The following NDC1 variants were observed in gnomAD, a reference collection of about 807,000 sequenced individuals.
NDC1 encodes NDC1 transmembrane nucleoporin.
A neutral mutation model predicts 89.8 loss-of-function variants in NDC1; 24 were observed. The observed-to-expected ratio is 0.27, with a 90% CI of 0.19 to 0.38. The LOEUF (loss-of-function observed/expected upper bound fraction) is 0.38, where lower values mean the gene tolerates loss of function less well. Ranked by LOEUF, NDC1 falls within the 10% of genes least tolerant of loss-of-function variation. The probability of loss-of-function intolerance (pLI) is 1.00; values close to 1 mark genes in which losing one functional copy is unlikely to be tolerated. For missense variants in NDC1, 728 were observed against 797.6 expected, an observed-to-expected ratio of 0.91 and a Z score of 1.05; for synonymous variants, 296 against 284.8, an observed-to-expected ratio of 1.04 and a Z score of -0.39.
intron 3 of NDC1, among the ~76,000 whole-genome samples, chr1:53,829,737 A>G (rs1006010445): frequency 6.6e-5 from 10 of 152,264 alleles, no homozygotes; most frequent in Admixed American, 2.0e-4. Flanking sequence ...GACATATTAC[A>G]TACAGAAGAT....
chr1:53,798,043 A>G (rs1366196070), intron 11 of NDC1, among the ~76,000 whole-genome samples: 1 of 151,816 alleles, frequency 6.6e-6, no homozygotes, highest in Non-Finnish European at 1.5e-5. Context: ...CCAATTTAGT[A>G]ATAGAGTCTG....
intron 8 of NDC1, among the ~76,000 whole-genome samples, chr1:53,806,746 A>C (rs1172903872): frequency 6.6e-6 from 1 of 152,204 alleles, no homozygotes; most frequent in Non-Finnish European, 1.5e-5. Flanking sequence ...TTTCACAAAC[A>C]AGGATTCTCT....
intron 1 of NDC1, among the ~76,000 whole-genome samples, chr1:53,835,920 T>C (rs1175997755): frequency 6.6e-6 from 1 of 152,174 alleles, no homozygotes; most frequent in Non-Finnish European, 1.5e-5. Context: ...GCTTAATTGA[T>C]AGCTATATTA....
chr1:53,835,651 G>A lies in NDC1; in HGVS notation c.58-31C>T, dbSNP rs369786814. The A allele has an allele frequency of 4.4e-6, 7 of 1,585,546 alleles. No individual in the cohort carries two copies. The African/African-American group carries it at 6.8e-5, about 15-fold the overall frequency. On this transcript the variant is annotated intron_variant, in intron 1 of 17. Coordinates refer to ENST00000371429, the MANE Select transcript of NDC1 (RefSeq NM_018087.5). ...AACAAAAAGAAAAACCCTCACTCATGAAGTCAGTTAAATTATTTCAGTTAT... is the reference window on the plus strand; with the variant it reads ...AACAAAAAGAAAAACCCTCACTCATAAAGTCAGTTAAATTATTTCAGTTAT...
intron 2 of NDC1, among the ~76,000 whole-genome samples, chr1:53,833,025 G>A (rs1021114161): frequency 6.6e-6 from 1 of 151,770 alleles, no homozygotes; most frequent in African/African-American, 2.4e-5. Flanking sequence ...AACAAAGGGG[G>A]GGAGAAAAAA....
chr1:53,798,630 C>T (rs1180964013), intron 11 of NDC1, among the ~76,000 whole-genome samples: 1 of 151,076 alleles, frequency 6.6e-6, no homozygotes, highest in Non-Finnish European at 1.5e-5. Flanking sequence ...TCTCAGCTCA[C>T]TGCAACCTCC....
chr1:53,780,863 CTT>C (rs11289616), intron 16 of NDC1, among the ~76,000 whole-genome samples: 47 of 144,274 alleles, frequency 3.3e-4, no homozygotes, highest in Admixed American at 4.9e-4. Flanking sequence ...ATTTTTCTTT[CTT>C]TTTTTTTTTT....
intron 6 of NDC1, among the ~76,000 whole-genome samples, chr1:53,814,817 A>C (rs769692350): frequency 1.2e-4 from 19 of 152,248 alleles, no homozygotes; most frequent in Non-Finnish European, 2.6e-4. Context: ...CACAACTACT[A>C]TGAACAACAC....
At chr1:53,831,544 G>T (rs186976799) in intron 3 of NDC1, among the ~76,000 whole-genome samples, 15 of 151,628 alleles carry the variant, frequency 9.9e-5, no homozygotes, top group African/African-American at 3.4e-4. Context: ...GTGGTGGCGC[G>T]TGCCTGTAAT....
At chr1:53,836,411 C>T (rs1374480766) in intron 1 of NDC1, among the ~76,000 whole-genome samples, 1 of 140,954 alleles carries the variant, frequency 7.1e-6, no homozygotes, top group Non-Finnish European at 1.5e-5. Context: ...ATTAGCCAGG[C>T]ATCATTCCAG....
chr1:53,826,002 T>C, intron 4 of NDC1, 66 bp from the exon 5 acceptor site: 2 of 1,489,642 alleles, frequency 1.3e-6, no homozygotes, highest in South Asian at 1.3e-5. Context: ...TTAGGCTCAA[T>C]GTTTACTGAA....
At chr1:53,809,158 T>C (rs1648213668) in intron 7 of NDC1, among the ~76,000 whole-genome samples, 1 of 152,168 alleles carries the variant, frequency 6.6e-6, no homozygotes, top group Non-Finnish European at 1.5e-5. Flanking sequence ...ACAGCATTGG[T>C]ATATATCATG....
At chr1:53,836,391 T>A (rs961716644) in intron 1 of NDC1, among the ~76,000 whole-genome samples, 282 of 151,358 alleles carry the variant, frequency 1.9e-3, no homozygotes, top group Admixed American at 4.2e-3. Flanking sequence ...CTATAAAAAA[T>A]TTTTTAAAAA....
In NDC1 at chr1:53,805,919, A is replaced by C. The variant is rs374124361; in HGVS notation, c.984+506T>G. Among the ~76,000 whole-genome samples the C allele has an allele frequency of 3.0e-4, 46 of 152,288 alleles. 1 individual carries two copies. Among genetic ancestry groups the C allele is most frequent in the African/African-American group, 1.1e-3 (45 of 41,560 alleles). ...GAAACCCCGTCTCTACTAAAAATAC[A>C]AAAAATTAGCCGGGCGTGGTAGCGG... On this transcript the variant is annotated intron_variant, in intron 9 of 17. Transcript: ENST00000371429.
At chr1:53,828,255 G>A in intron 3 of NDC1, 82 bp from the exon 4 acceptor site, 1 of 1,242,742 alleles carries the variant, frequency 8.0e-7, no homozygotes, top group Non-Finnish European at 1.1e-6. Flanking sequence ...TCTCATCCTT[G>A]CACAAATGTT....
chr1:53,789,299 G>T, intron 14 of NDC1, 103 bp from the exon 15 acceptor site: 1 of 633,708 alleles, frequency 1.6e-6, no homozygotes, highest in Non-Finnish European at 2.8e-6. Flanking sequence ...ATTCACAGCT[G>T]CCTCTCAAGA....
chr1:53,825,390 G>A (rs1383135713), intron 5 of NDC1, among the ~76,000 whole-genome samples: 1 of 148,244 alleles, frequency 6.7e-6, no homozygotes, highest in Non-Finnish European at 1.5e-5. Flanking sequence ...AGGAGGCGGA[G>A]GTTGCAGTGA....
chr1:53,771,932 TG>T (rs1476909150), intron 17 of NDC1, among the ~76,000 whole-genome samples: 1 of 152,224 alleles, frequency 6.6e-6, no homozygotes, highest in Non-Finnish European at 1.5e-5. Flanking sequence ...GATTCATTTC[TG>T]GAATACTTTG....
chr1:53,794,748 ACCTGTAGTCCCAGCTACT>A (rs1294437804), intron 13 of NDC1, among the ~76,000 whole-genome samples: 5 of 152,044 alleles, frequency 3.3e-5, no homozygotes, highest in Non-Finnish European at 7.4e-5. Context: ...GGTGGCAGGC[ACCTGTAGTCCCAGCTACT>A]CAGGAGGCTG....
Sources: gnomAD v4.1 joint callset for allele counts (sites outside exome capture counted in the v4.1 genomes callset) on GRCh38, gnomAD v4.1.1 for gene constraint, MANE v1.5 for transcripts, NCBI Gene and HGNC (gene_info 2026-07-23, HGNC 2026-07-21) for gene names.